RABGAP1L: variants seen among roughly 807,000 people sequenced by gnomAD.
The protein encoded by RABGAP1L is rab GTPase-activating protein 1-like.
Under a neutral mutation model 137.7 loss-of-function variants are expected in RABGAP1L, and 63 were observed. That is an observed-to-expected ratio of 0.46 (90% CI 0.37 to 0.56). The LOEUF (loss-of-function observed/expected upper bound fraction) is 0.56. Ranked by LOEUF, RABGAP1L falls within the 20% of genes least tolerant of loss-of-function variation. The probability of loss-of-function intolerance (pLI) is 0.00; values close to 1 mark genes in which losing one functional copy is unlikely to be tolerated. For synonymous variants in RABGAP1L, 431 were observed against 433.7 expected (o/e 0.99, Z 0.08); for missense variants, 1,095 against 1,244.0 (o/e 0.88, Z 1.80).
chr1:174,552,090 A>G (rs142927723), intron 13 of RABGAP1L, among the ~76,000 whole-genome samples: 1 of 152,340 alleles, frequency 6.6e-6, no homozygotes. Flanking sequence ...ATATTAATAC[A>G]TGTTTAACAA....
chr1:174,306,424 C>G (rs2148776529), intron 11 of RABGAP1L, among the ~76,000 whole-genome samples: 1 of 152,314 alleles, frequency 6.6e-6, no homozygotes, highest in Non-Finnish European at 1.5e-5. Context: ...TCTCCAGCAC[C>G]TGTTGTTTCC....
At chr1:174,564,151 G>T (rs1460579991) in intron 13 of RABGAP1L, among the ~76,000 whole-genome samples, 2 of 152,060 alleles carry the variant, frequency 1.3e-5, no homozygotes, top group Non-Finnish European at 2.9e-5. Context: ...AAAACACAAA[G>T]ATGATTATAA....
chr1:174,547,719 T>G, intron 13 of RABGAP1L: 1 of 857,192 alleles, frequency 1.2e-6, no homozygotes, highest in Non-Finnish European at 1.8e-6. Flanking sequence ...CATGGGGAAT[T>G]TATCTGCAAA....
At chr1:174,467,819 G>A (rs1035544075) in intron 13 of RABGAP1L, among the ~76,000 whole-genome samples, 4 of 151,966 alleles carry the variant, frequency 2.6e-5, no homozygotes, top group Non-Finnish European at 4.4e-5. Flanking sequence ...GGCAGTTAAC[G>A]TTATACTGAC....
chr1:174,493,510 T>C (rs1660453960), intron 13 of RABGAP1L, among the ~76,000 whole-genome samples: 1 of 151,944 alleles, frequency 6.6e-6, no homozygotes, highest in Admixed American at 6.6e-5. Context: ...CTACCCAATA[T>C]TAAAGTTGAT....
intron 18 of RABGAP1L, among the ~76,000 whole-genome samples, chr1:174,798,265 G>T (rs1251581703): frequency 6.6e-6 from 1 of 151,650 alleles, no homozygotes; most frequent in Non-Finnish European, 1.5e-5. Context: ...AAAATAGCTG[G>T]GTGTGGTGGC....
rs140131883 is a variant in RABGAP1L at position 174,452,016 on chromosome 1, A to G, written c.1710+57871A>G. Among the ~76,000 whole-genome samples, 102 of 152,280 alleles carry G rather than the reference A, an allele frequency of 6.7e-4. 1 individual carries two copies. The highest frequency in any genetic ancestry group is 2.3e-3 in the African/African-American group (95 of 41,574). On this transcript the variant is annotated intron_variant, in intron 13 of 25. Transcript: ENST00000681986. ...AGGCAAATTCTGAGTTTATTTATTT[A>G]CTATAGTATTTTATATACAACTCTA...
intron 13 of RABGAP1L, among the ~76,000 whole-genome samples, chr1:174,596,879 T>C (rs1231776125): frequency 6.6e-6 from 1 of 152,190 alleles, no homozygotes; most frequent in Non-Finnish European, 1.5e-5. Flanking sequence ...TTGAAGTATG[T>C]TTCTTCTCTA....
chr1:174,938,031 T>G (rs9804056), intron 19 of RABGAP1L, among the ~76,000 whole-genome samples: 89,688 of 147,304 alleles, frequency 0.61, 29,406 homozygotes, highest in African/African-American at 0.9. Flanking sequence ...TATTAATGAG[T>G]ATATTTCCCT....
intron 12 of RABGAP1L, among the ~76,000 whole-genome samples, chr1:174,385,427 A>T (rs1455097765): frequency 6.6e-6 from 1 of 152,206 alleles, no homozygotes; most frequent in East Asian, 1.9e-4. Context: ...TATGTCCATT[A>T]ATCAATTTCA....
intron 13 of RABGAP1L, among the ~76,000 whole-genome samples, chr1:174,623,324 A>C (rs1303391205): frequency 6.6e-6 from 1 of 152,190 alleles, no homozygotes; most frequent in South Asian, 2.1e-4. Flanking sequence ...ACCAACAGCA[A>C]GTTAGGGAGA....
chr1:174,488,722 A>G (rs913306092), intron 13 of RABGAP1L, among the ~76,000 whole-genome samples: 15 of 148,324 alleles, frequency 1.0e-4, no homozygotes, highest in Admixed American at 2.7e-4. Context: ...TTTTTTTTCT[A>G]TTATGTCCTC....
At chr1:174,258,709 T>G (rs1448631524) in intron 7 of RABGAP1L, among the ~76,000 whole-genome samples, 1 of 152,174 alleles carries the variant, frequency 6.6e-6, no homozygotes, top group Non-Finnish European at 1.5e-5. Context: ...AACGAGAAAA[T>G]AAAATTTATC....
At chr1:174,706,857 C>T (rs1354643445) in intron 17 of RABGAP1L, among the ~76,000 whole-genome samples, 1 of 152,114 alleles carries the variant, frequency 6.6e-6, no homozygotes, top group African/African-American at 2.4e-5. Context: ...TTCTGTCTAA[C>T]TTTTTTTAGT....
At chr1:174,302,611 A>G (rs562879026) in intron 10 of RABGAP1L, among the ~76,000 whole-genome samples, 1 of 152,352 alleles carries the variant, frequency 6.6e-6, no homozygotes, top group South Asian at 2.1e-4. Flanking sequence ...AGGCTTGCCC[A>G]TAAGAAAAGG....
chr1:174,237,364 C>T (rs1427576966), intron 4 of RABGAP1L, among the ~76,000 whole-genome samples: 37 of 67,044 alleles, frequency 5.5e-4, no homozygotes, highest in African/African-American at 2.4e-3. Flanking sequence ...TCTTCCTAGT[C>T]TCGATGGTCT....
intron 19 of RABGAP1L, among the ~76,000 whole-genome samples, chr1:174,843,281 G>C (rs1258795217): frequency 6.8e-6 from 1 of 147,468 alleles, no homozygotes; most frequent in Non-Finnish European, 1.5e-5. Context: ...CATTGTGCAG[G>C]TTAGTTACAT....
At chr1:174,379,804 G>C (rs1427827383) in intron 12 of RABGAP1L, among the ~76,000 whole-genome samples, 1 of 66,694 alleles carries the variant, frequency 1.5e-5, no homozygotes, top group Non-Finnish European at 2.9e-5. Flanking sequence ...AATTGCCCTG[G>C]CCAGAACTTC....
chr1:174,504,091 G>C (rs190079965), intron 13 of RABGAP1L, among the ~76,000 whole-genome samples: 154 of 151,474 alleles, frequency 1.0e-3, no homozygotes, highest in African/African-American at 3.4e-3. Flanking sequence ...TCTCAACTTA[G>C]CCTCCTGAGT....
Sources: allele counts gnomAD v4.1 joint callset (sites outside exome capture counted in the v4.1 genomes callset), GRCh38; gene constraint gnomAD v4.1.1; transcripts MANE v1.5; gene names NCBI Gene and HGNC (gene_info 2026-07-23, HGNC 2026-07-21).